Variants in ARHGAP24 observed in about 807,000 individuals in gnomAD.
ARHGAP24 encodes the protein Rho GTPase activating protein 24.
In ARHGAP24, 50 loss-of-function variants were observed where a neutral mutation model predicts 76.4. That is an observed-to-expected ratio of 0.65 (90% CI 0.52 to 0.83). The LOEUF is 0.83. Ranked by LOEUF, ARHGAP24 falls within the 40% of genes least tolerant of loss-of-function variation. The pLI is 0.00. For synonymous variants in ARHGAP24, 345 were observed against 323.3 expected (o/e 1.07, Z -0.72); for missense variants, 930 against 914.2 (o/e 1.02, Z -0.22).
At chr4:85,678,064 A>C (rs1045835365) in intron 2 of ARHGAP24, among the ~76,000 whole-genome samples, 17 of 151,654 alleles carry the variant, frequency 1.1e-4, no homozygotes, top group Admixed American at 3.3e-4. Flanking sequence ...AAAAGGAAAA[A>C]AATTTTAAAA....
intron 2 of ARHGAP24, among the ~76,000 whole-genome samples, chr4:85,698,322 G>C (rs549073111): frequency 6.6e-6 from 1 of 152,182 alleles, no homozygotes; most frequent in African/African-American, 2.4e-5. Flanking sequence ...AGTGGGAGCT[G>C]GGGGACTAAG....
intron 1 of ARHGAP24, among the ~76,000 whole-genome samples, chr4:85,557,412 G>A (rs1726429270): frequency 6.6e-6 from 1 of 152,246 alleles, no homozygotes; most frequent in Non-Finnish European, 1.5e-5. Flanking sequence ...GTAGTTCTCT[G>A]TGTTGGTCTG....
chr4:85,596,793 T>C (rs1339754902), intron 2 of ARHGAP24, among the ~76,000 whole-genome samples: 9 of 152,142 alleles, frequency 5.9e-5, no homozygotes, highest in African/African-American at 2.2e-4. Context: ...ATTTGATAAC[T>C]AGATTTTTTT....
intron 1 of ARHGAP24, among the ~76,000 whole-genome samples, chr4:85,537,300 A>G (rs546948815): frequency 6.6e-6 from 1 of 152,330 alleles, no homozygotes; most frequent in East Asian, 1.9e-4. Flanking sequence ...AGAGAAAAAC[A>G]CATTGACTAT....
chr4:85,489,456 G>C (rs556301514), intron 1 of ARHGAP24, among the ~76,000 whole-genome samples: 46 of 152,258 alleles, frequency 3.0e-4, no homozygotes, highest in African/African-American at 1.1e-3. Context: ...ACATGAGCCT[G>C]AGACTGGGAC....
intron 3 of ARHGAP24, among the ~76,000 whole-genome samples, chr4:85,805,284 C>T (rs1334628437): frequency 1.3e-5 from 2 of 152,072 alleles, no homozygotes; most frequent in African/African-American, 2.4e-5. Context: ...TGCGTCCTTT[C>T]GAAAAGCACT....
chr4:85,723,353 A>G (rs145565181), intron 3 of ARHGAP24: 57 of 152,340 alleles, frequency 3.7e-4, no homozygotes, highest in African/African-American at 1.3e-3. Context: ...CTCAAGTAAT[A>G]TAGACGGATA....
intron 3 of ARHGAP24, among the ~76,000 whole-genome samples, chr4:85,882,954 T>C (rs1185185670): frequency 6.6e-6 from 1 of 152,130 alleles, no homozygotes; most frequent in Non-Finnish European, 1.5e-5. Context: ...AGCTACCATC[T>C]GGGAAAGGAA....
chr4:85,972,303 A>T, intron 6 of ARHGAP24, 135 bp downstream of exon 6: 1 of 1,157,604 alleles, frequency 8.6e-7, no homozygotes, highest in Non-Finnish European at 1.2e-6. Context: ...CCTCACACAC[A>T]CTGAGACTTT....
At chr4:85,952,359 C>T (rs538734355) in intron 5 of ARHGAP24, among the ~76,000 whole-genome samples, 1 of 152,264 alleles carries the variant, frequency 6.6e-6, no homozygotes, top group African/African-American at 2.4e-5. Flanking sequence ...TTTAATTCTG[C>T]CCCATTTGTT....
chr4:85,942,445 G>A, intron 5 of ARHGAP24, 172 bp downstream of exon 5: 1 of 728,668 alleles, frequency 1.4e-6, no homozygotes, highest in Admixed American at 2.4e-5. Context: ...TCAAAAATTG[G>A]GCACCTTAGA....
Position 85,650,268 on chromosome 4 carries a change from A to G in ARHGAP24, c.181-71617A>G, listed in dbSNP as rs1721886313. ...AGCCAGGTCTTGGGCAAAACTTTAG[A>G]AAAAAAGTCCAACAATTTTTCACAA... is the stretch of plus-strand genomic sequence containing the variant. On this transcript the variant is annotated intron_variant, in intron 2 of 9. Coordinates refer to ENST00000395184, the MANE Select transcript of ARHGAP24 (RefSeq NM_001025616.3). Among the ~76,000 whole-genome samples, 3 of 149,616 alleles carry G rather than the reference A, an allele frequency of 2.0e-5. 1 individual carries two copies. Among genetic ancestry groups the G allele is most frequent in the Admixed American group, 6.6e-5 (1 of 15,188 alleles).
chr4:85,582,621 CAG>C (rs1361415165), intron 2 of ARHGAP24, among the ~76,000 whole-genome samples: 1 of 151,936 alleles, frequency 6.6e-6, no homozygotes, highest in African/African-American at 2.4e-5. Flanking sequence ...GATATGCCTA[CAG>C]AGACTGTAAC....
intron 3 of ARHGAP24, among the ~76,000 whole-genome samples, chr4:85,746,266 A>G (rs1328291597): frequency 2.0e-5 from 3 of 152,180 alleles, no homozygotes; most frequent in African/African-American, 7.2e-5. Flanking sequence ...CTTCCTTGTT[A>G]AGAATCATTT....
At chr4:85,785,808 C>T (rs529490913) in intron 3 of ARHGAP24, among the ~76,000 whole-genome samples, 10 of 151,980 alleles carry the variant, frequency 6.6e-5, no homozygotes, top group Non-Finnish European at 1.5e-4. Context: ...CAGACATGTG[C>T]CAGGAATATT....
chr4:85,493,834 C>G (rs1723452985), intron 1 of ARHGAP24, among the ~76,000 whole-genome samples: 1 of 152,198 alleles, frequency 6.6e-6, no homozygotes, highest in African/African-American at 2.4e-5. Context: ...TTAAATCTTC[C>G]ATACACATAA....
At chr4:85,890,215 G>A (rs966056713) in intron 3 of ARHGAP24, among the ~76,000 whole-genome samples, 15 of 152,100 alleles carry the variant, frequency 9.9e-5, no homozygotes, top group South Asian at 2.1e-4. Context: ...AATAAAGATC[G>A]TTAACTATTT....
intron 8 of ARHGAP24, among the ~76,000 whole-genome samples, chr4:85,983,166 A>G (rs189604356): frequency 1.3e-5 from 2 of 152,306 alleles, no homozygotes; most frequent in African/African-American, 2.4e-5. Flanking sequence ...TTCTTTATCC[A>G]GTCTATCATT....
intron 8 of ARHGAP24, among the ~76,000 whole-genome samples, chr4:85,988,260 A>G (rs1289827732): frequency 6.6e-6 from 1 of 151,792 alleles, no homozygotes; most frequent in East Asian, 1.9e-4. Flanking sequence ...ACTACACAGC[A>G]ATAATATGTG....
Sources: gnomAD v4.1 joint callset for allele counts (sites outside exome capture counted in the v4.1 genomes callset) on GRCh38, gnomAD v4.1.1 for gene constraint, MANE v1.5 for transcripts, NCBI Gene and HGNC (gene_info 2026-07-23, HGNC 2026-07-21) for gene names.